The following EPS15L1 variants were observed in gnomAD, a reference collection of about 807,000 sequenced individuals.
EPS15L1 encodes epidermal growth factor receptor pathway substrate 15 like 1.
In EPS15L1, 43 loss-of-function variants were observed where a neutral mutation model predicts 117.1. The observed-to-expected ratio is 0.37, with a 90% CI of 0.29 to 0.47. The LOEUF is 0.47. EPS15L1 is among the 20% of genes least tolerant of loss of function. EPS15L1 has a pLI of 0.99. For missense variants in EPS15L1, 981 were observed against 1,164.0 expected, an observed-to-expected ratio of 0.84 and a Z score of 2.29; for synonymous variants, 459 against 470.5, an observed-to-expected ratio of 0.98 and a Z score of 0.32.
chr19:16,389,340 G>A (rs1235842446), intron 19 of EPS15L1, among the ~76,000 whole-genome samples: 1 of 152,030 alleles, frequency 6.6e-6, no homozygotes, highest in East Asian at 1.9e-4. Context: ...TGTGGTCCCA[G>A]CAACTTGGGA....
At chr19:16,406,495 G>A (rs984571970) in intron 13 of EPS15L1, among the ~76,000 whole-genome samples, 3 of 152,224 alleles carry the variant, frequency 2.0e-5, no homozygotes, top group African/African-American at 4.8e-5. Flanking sequence ...TGCTCCGAGC[G>A]ATGCTCCCAC....
intron 16 of EPS15L1, 143 bp downstream of exon 16, chr19:16,402,178 A>C (rs2092608094): frequency 6.9e-7 from 1 of 1,454,916 alleles, no homozygotes; most frequent in Non-Finnish European, 9.1e-7. Flanking sequence ...GTGAACGCGC[A>C]AAGTGGCAGC....
rs928029603 is a variant in EPS15L1, at chr19:16,471,931, G to T, written c.15C>A (p.Leu5=). 2.3e-6 allele frequency: 3 copies of T among 1,293,490 alleles called. No homozygotes were observed. In the African/African-American group the frequency reaches 4.6e-5, roughly 20 times the overall value. 80.1% of individuals were successfully genotyped at this position (1,293,490 alleles called of 1,614,324 possible). Residue 5 remains leucine (L), a synonymous_variant, in exon 1 of 24, where the codon CTC becomes CTA. Coordinates refer to ENST00000455140, the MANE Select transcript of EPS15L1 (RefSeq NM_001258374.3). This position sits in a 1 kb window ranked among gnomAD's most constrained non-coding sequence, Gnocchi z 4.8. MAAP[L]IPLSQQIPTG... ...CCCGTACCTGCTGGGAGAGGGGGAT[G>T]AGCGGCGCCGCCATCTTCCCGCGGA...
chr19:16,383,879 A>C lies in EPS15L1; in HGVS notation c.2247+1250T>G, dbSNP rs1433133782. 6.6e-6 allele frequency: 1 copy of C among 152,246 alleles called. No individual in the cohort carries two copies. The highest frequency in any genetic ancestry group is 1.5e-5 in the Non-Finnish European group (1 of 68,114). 9.4% of individuals were successfully genotyped at this position (152,246 alleles called of 1,614,324 possible). On this transcript the variant is annotated intron_variant, in intron 21 of 23. Coordinates refer to ENST00000455140, the MANE Select transcript of EPS15L1 (RefSeq NM_001258374.3). The surrounding 1 kb of genome is among the most constrained non-coding windows in gnomAD (Gnocchi z 5.2). ...GCCCAGTCACACTGGCACCTGGGGCACCTGGGCATGGGGCCGGTGGGGCCC... is the reference window on the plus strand; with the variant it reads ...GCCCAGTCACACTGGCACCTGGGGCCCCTGGGCATGGGGCCGGTGGGGCCC...
At chr19:16,395,071 T>C (rs904465402) in intron 17 of EPS15L1, among the ~76,000 whole-genome samples, 1 of 151,844 alleles carries the variant, frequency 6.6e-6, no homozygotes, top group Non-Finnish European at 1.5e-5. Context: ...TATACAAAAA[T>C]TAGCCGGGTG....
At chr19:16,440,591 C>A (rs954469195) in intron 4 of EPS15L1, 1 of 232,738 alleles carries the variant, frequency 4.3e-6, no homozygotes, top group African/African-American at 2.3e-5. Flanking sequence ...AATAAAAAGT[C>A]TGGACAACAC....
At chr19:16,373,217 G>A (rs2092249178) in intron 22 of EPS15L1, among the ~76,000 whole-genome samples, 2 of 152,178 alleles carry the variant, frequency 1.3e-5, no homozygotes, top group South Asian at 2.1e-4. Flanking sequence ...CTCAAGGCTC[G>A]ACCGCCAGGC....
intron 16 of EPS15L1, among the ~76,000 whole-genome samples, chr19:16,400,058 C>T (rs894799961): frequency 2.0e-5 from 3 of 152,052 alleles, no homozygotes; most frequent in African/African-American, 7.2e-5. Context: ...CTGACTTTGG[C>T]GGGTGAGGTG....
rs539521822 is a variant in EPS15L1 at position 16,383,310 on chromosome 19, G to A, written c.2247+1819C>T. On this transcript the variant is annotated intron_variant, in intron 21 of 23. Transcript: ENST00000455140. The surrounding 1 kb of genome is among the most constrained non-coding windows in gnomAD (Gnocchi z 5.2). ...AGGCAGAGGGCGGTCATTAGATCCCGGCCCTAGCTCAGGCTCTGCTAGCTC... is the reference window on the plus strand; with the variant it reads ...AGGCAGAGGGCGGTCATTAGATCCCAGCCCTAGCTCAGGCTCTGCTAGCTC... 2.6e-5 allele frequency: 4 copies of A among 152,146 alleles called. No homozygotes were observed. The highest frequency in any genetic ancestry group is 4.8e-5 in the African/African-American group (2 of 41,416). 9.4% of individuals were successfully genotyped at this position (152,146 alleles called of 1,614,324 possible). A position where few individuals can be genotyped will look rare whatever the true frequency, so the allele number is the denominator to read the frequency against.
chr19:16,446,533 A>C (rs2093084988), intron 1 of EPS15L1, among the ~76,000 whole-genome samples: 1 of 152,188 alleles, frequency 6.6e-6, no homozygotes, highest in South Asian at 2.1e-4. Context: ...GACAACGCTA[A>C]AGGGCAGGTA....
chr19:16,456,520 G>A (rs1272816096), intron 1 of EPS15L1, among the ~76,000 whole-genome samples: 1 of 152,078 alleles, frequency 6.6e-6, no homozygotes, highest in Non-Finnish European at 1.5e-5. Flanking sequence ...AGCTGGGCGT[G>A]GTGGCGGGTA....
At chr19:16,386,526 G>A (rs1276122896) in intron 19 of EPS15L1, among the ~76,000 whole-genome samples, 4 of 152,232 alleles carry the variant, frequency 2.6e-5, no homozygotes, top group African/African-American at 9.7e-5. Flanking sequence ...TTTGAATGTG[G>A]CAGAAGAACA....
Position 16,403,717 on chromosome 19 carries a change from C to T in EPS15L1, c.1626+16G>A, listed in dbSNP as rs749673235. 14 of 1,608,842 alleles carry T rather than the reference C, an allele frequency of 8.7e-6. No homozygotes were observed. Among genetic ancestry groups the T allele is most frequent in the Admixed American group, 3.3e-5 (2 of 59,960 alleles). Reference sequence around the variant, plus strand: ...TGGTCCCTGGCATGTGGCAGGGACCCGACTCCGTGAAGTACCTGGTTGATT... The same window carrying T: ...TGGTCCCTGGCATGTGGCAGGGACCTGACTCCGTGAAGTACCTGGTTGATT... On this transcript the variant is annotated intron_variant, in intron 15 of 23. Coordinates refer to ENST00000455140, the MANE Select transcript of EPS15L1 (RefSeq NM_001258374.3).
chr19:16,395,540 T>TTA, intron 16 of EPS15L1, 73 bp from the exon 17 acceptor site: 1 of 1,448,380 alleles, frequency 6.9e-7, no homozygotes, highest in Non-Finnish European at 9.6e-7. Context: ...AATTCCATAC[T>TTA]TAACTCACAT....
At chr19:16,373,174 C>T (rs974376857) in intron 22 of EPS15L1, among the ~76,000 whole-genome samples, 1 of 152,216 alleles carries the variant, frequency 6.6e-6, no homozygotes, top group Non-Finnish European at 1.5e-5. Flanking sequence ...ATGGGTCCTT[C>T]AGACTTTTTG....
intron 21 of EPS15L1, among the ~76,000 whole-genome samples, chr19:16,379,260 C>A (rs745503180): frequency 3.9e-5 from 6 of 152,068 alleles, no homozygotes; most frequent in Non-Finnish European, 8.8e-5. Flanking sequence ...AGCTGAGATC[C>A]CGCCACAGCA....
chr19:16,380,216 C>G (rs1477744953), intron 21 of EPS15L1, among the ~76,000 whole-genome samples: 2 of 151,890 alleles, frequency 1.3e-5, no homozygotes, highest in Admixed American at 1.3e-4. Flanking sequence ...TCTAGTCACA[C>G]CAAAGCGGCC....
In EPS15L1 at chr19:16,355,774, C is replaced by A; in HGVS notation, c.2664G>T (p.Leu888=). 3 of 1,536,094 alleles carry A rather than the reference C, an allele frequency of 2.0e-6. No homozygotes were observed. The highest frequency in any genetic ancestry group is 2.6e-6 in the Non-Finnish European group (3 of 1,146,846). The part of the protein sequence containing the change: ...EKAEQERLAR[L]RRQEQEDLEL... ...CCAGGTCCTCCTGCTCCTGCCGCCG[C>A]AGCCGCGCCAGCCTCTCCTGTTCCG... Residue 888 remains leucine, a synonymous_variant, in exon 24 of 24, where the codon CTG becomes CTT. Transcript: ENST00000455140.
intron 7 of EPS15L1, among the ~76,000 whole-genome samples, chr19:16,432,553 G>A (rs906195185): frequency 1.2e-4 from 18 of 151,854 alleles, no homozygotes; most frequent in Non-Finnish European, 4.4e-5. Flanking sequence ...GGGCAACAGA[G>A]CGAGACTCTG....
Sources: allele counts gnomAD v4.1 joint callset (sites outside exome capture counted in the v4.1 genomes callset), GRCh38; gene constraint gnomAD v4.1.1; non-coding constraint Gnocchi (gnomAD v3.1); transcripts MANE v1.5; gene names NCBI Gene and HGNC (gene_info 2026-07-23, HGNC 2026-07-21).